The following CRMP1 variants were observed in gnomAD, a reference collection of about 807,000 sequenced individuals.
CRMP1 encodes the protein collapsin response mediator protein 1.
A neutral mutation model predicts 68.3 loss-of-function variants in CRMP1; 19 were observed. That is an observed-to-expected ratio of 0.28 (90% CI 0.19 to 0.41). The LOEUF is 0.41. Ranked by LOEUF, CRMP1 falls within the 10% of genes least tolerant of loss-of-function variation. The pLI, the probability that CRMP1 is intolerant of heterozygous loss-of-function variation, is 1.00. For synonymous variants in CRMP1, 439 were observed against 399.6 expected (o/e 1.10, Z -1.18); for missense variants, 791 against 967.4 (o/e 0.82, Z 2.42).
rs1422208020 is a variant in CRMP1, at chr4:5,838,502, T to C, written c.1310+1020A>G. 1.3e-5 allele frequency among the ~76,000 whole-genome samples: 2 copies of C among 152,102 alleles called. No individual in the cohort carries two copies. Among genetic ancestry groups the C allele is most frequent in the African/African-American group, 4.8e-5 (2 of 41,400 alleles). On this transcript the variant is annotated intron_variant, in intron 9 of 13. Coordinates refer to ENST00000324989, the MANE Select transcript of CRMP1 (RefSeq NM_001014809.3). The surrounding 1 kb of genome is among the most constrained non-coding windows in gnomAD (Gnocchi z 4.9). ...CTTGGTCGGAAGCCAGGGATGATGG[T>C]GGCCTGAGCCAGGATGGCCACAGCA...
rs1303845719 is a variant in CRMP1, at chr4:5,861,191, T to C, written c.490A>G (p.Ile164Val). ...GLIKQIGENL[I>V]VPGGVKTIEA... is the part of the protein sequence containing the mutation. ...ATGGTCTTCACTCCACCAGGAACGA[T>C]TAAGTTCTCTCCTATTTGTCTGGAG... The change falls in exon 3 of 14, where the codon ATC (isoleucine) becomes GTC (valine). Residue 164 changes from isoleucine to valine, a missense_variant. Coordinates refer to ENST00000324989, the MANE Select transcript of CRMP1 (RefSeq NM_001014809.3). The surrounding 1 kb of genome is among the most constrained non-coding windows in gnomAD (Gnocchi z 6.0). The C allele has an allele frequency of 3.1e-6, 5 of 1,613,950 alleles. No individual in the cohort carries two copies. The highest frequency in any genetic ancestry group is 4.2e-6 in the Non-Finnish European group (5 of 1,179,974).
chr4:5,822,480 T>C (rs938718477), intron 13 of CRMP1, among the ~76,000 whole-genome samples: 3 of 140,794 alleles, frequency 2.1e-5, no homozygotes, highest in Non-Finnish European at 4.5e-5. Context: ...TCATTGGCGA[T>C]AGGTGGATCT....
Position 5,821,634 on chromosome 4 carries a change from C to T in CRMP1, c.*126G>A. 3 of 855,966 alleles carry T rather than the reference C, an allele frequency of 3.5e-6. No homozygotes were observed. Among genetic ancestry groups the T allele is most frequent in the Non-Finnish European group, 3.6e-6 (2 of 554,438 alleles). The allele number at this position is 855,966 out of a possible 1,614,324, so 53.0% of individuals were successfully genotyped here. The stretch of plus-strand genomic sequence containing the variant: ...CTTCCTAAACAGAAAAGGGAAAGAG[C>T]ATCCTTCGACTTCCCCCTCCCTCCA... On this transcript the variant is annotated 3_prime_UTR_variant, in exon 14 of 14. Transcript: ENST00000324989. The surrounding 1 kb of genome is among the most constrained non-coding windows in gnomAD (Gnocchi z 4.4).
At chr4:5,887,744 G>A (rs1302177169) in intron 1 of CRMP1, 5 of 985,880 alleles carry the variant, frequency 5.1e-6, no homozygotes, top group Non-Finnish European at 6.0e-6. Flanking sequence ...CAGTAAAGGC[G>A]GGGAGTGGGG....
At position 5,849,480 on chromosome 4, in the gene CRMP1, G is replaced by A; in HGVS notation, c.883-8C>T. On this transcript the variant is annotated splice_polypyrimidine_tract_variant and splice_region_variant and intron_variant, in intron 5 of 13. Transcript: ENST00000324989. Reference sequence around the variant, plus strand: ...GGTAAAGGCTTCATAGAGCTATGGAGAGATAAACAGGGGTTGGTGTGAGAT... The same window carrying A: ...GGTAAAGGCTTCATAGAGCTATGGAAAGATAAACAGGGGTTGGTGTGAGAT... The A allele has an allele frequency of 3.1e-6, 5 of 1,590,624 alleles. No homozygotes were observed. The highest frequency in any genetic ancestry group is 1.4e-5 in the African/African-American group (1 of 73,934).
Position 5,836,750 on chromosome 4 carries a change from G to C in CRMP1, c.1452+15C>G. ...AGTGTTTCTAGAATGCTCCTGAGAA[G>C]AGATCCAGCCTTACCACCGCCTTGT... On this transcript the variant is annotated intron_variant, in intron 10 of 13. Coordinates refer to ENST00000324989, the MANE Select transcript of CRMP1 (RefSeq NM_001014809.3). The C allele has an allele frequency of 1.2e-6, 2 of 1,614,094 alleles. No homozygotes were observed. Among genetic ancestry groups the C allele is most frequent in the Non-Finnish European group, 1.7e-6 (2 of 1,179,958 alleles).
At chr4:5,868,590 C>T (rs1195055284) in intron 1 of CRMP1, among the ~76,000 whole-genome samples, 3 of 152,042 alleles carry the variant, frequency 2.0e-5, no homozygotes, top group Admixed American at 6.6e-5. Context: ...CGTGAGCCAC[C>T]GCGCCTGGCC....
chr4:5,856,233 T>C lies in CRMP1; in HGVS notation c.730A>G (p.Lys244Glu), dbSNP rs1237886052. The change falls in exon 4 of 14, where the codon AAA (lysine) becomes GAA (glutamate). Residue 244 changes from lysine (K) to glutamate (E), a missense_variant. Around this residue, in one of 3 missense-constraint regions of CRMP1, gnomAD observed 594 missense variants for 763.6 expected, o/e 0.78. Transcript: ENST00000324989. ...FEKWHEAADTKSCCDYSLHVD... is the reference protein window; with the variant it reads ...FEKWHEAADTESCCDYSLHVD... ...TGGAGGGAGTAATCACAGCAGGATT[T>C]GGTGTCAGCTGCTTCGTGCCACTTC... 1 of 1,614,028 alleles carries C rather than the reference T, an allele frequency of 6.2e-7. No individual in the cohort carries two copies. Among genetic ancestry groups the C allele is most frequent in the South Asian group, 1.1e-5 (1 of 91,084 alleles).
At position 5,849,467 on chromosome 4, in the gene CRMP1, A is replaced by G. The variant is rs754094215; in HGVS notation, c.888T>C (p.Tyr296=). 8 of 1,612,276 alleles carry G rather than the reference A, an allele frequency of 5.0e-6. No homozygotes were observed. The highest frequency in any genetic ancestry group is 6.8e-6 in the Non-Finnish European group (8 of 1,178,440). The part of the protein sequence containing the change: ...DVYQMSDSQL[Y]EAFTFLKGLG... Reference sequence around the variant, plus strand: ...GGCCCTTAAGGAAGGTAAAGGCTTCATAGAGCTATGGAGAGATAAACAGGG... The same window carrying G: ...GGCCCTTAAGGAAGGTAAAGGCTTCGTAGAGCTATGGAGAGATAAACAGGG... Residue 296 remains tyrosine (Y), a synonymous_variant, in exon 6 of 14, where the codon TAT becomes TAC. Transcript: ENST00000324989.
Position 5,888,359 on chromosome 4 carries a change from A to G in CRMP1, c.381+4230T>C, listed in dbSNP as rs915790701. ...GGCCCCGCTCCCAGCGGGCGCGCTGACAAAGGCCCGGGAGGGATAGAGACA... is the reference window on the plus strand; with the variant it reads ...GGCCCCGCTCCCAGCGGGCGCGCTGGCAAAGGCCCGGGAGGGATAGAGACA... On this transcript the variant is annotated intron_variant, in intron 1 of 13. Transcript: ENST00000324989. The surrounding 1 kb of genome is among the most constrained non-coding windows in gnomAD (Gnocchi z 6.4). The G allele has an allele frequency of 9.8e-6, 12 of 1,230,598 alleles. No individual in the cohort carries two copies. The highest frequency in any genetic ancestry group is 1.2e-5 in the Non-Finnish European group (12 of 983,920). The allele number at this position is 1,230,598 out of a possible 1,614,324, so 76.2% of individuals were successfully genotyped here. A position where few individuals can be genotyped will look rare whatever the true frequency, so the allele number is the denominator to read the frequency against.
rs1713440742 is a variant in CRMP1, at chr4:5,860,276, C to T, written c.655+750G>A. On this transcript the variant is annotated intron_variant, in intron 3 of 13. Transcript: ENST00000324989. This position sits in a 1 kb window ranked among gnomAD's most constrained non-coding sequence, Gnocchi z 4.2. ...AAGAAAGGCAAGTTTCGGCCAGAAC[C>T]CCCTGCATTCTGCCATCCACCAGGA... Among the ~76,000 whole-genome samples the T allele has an allele frequency of 1.3e-5, 2 of 152,140 alleles. No individual in the cohort carries two copies. The highest frequency in any genetic ancestry group is 4.8e-5 in the African/African-American group (2 of 41,428).
At position 5,865,457 on chromosome 4, in the gene CRMP1, C is replaced by T. The variant is rs1477475756; in HGVS notation, c.470+1211G>A. Among the ~76,000 whole-genome samples, 4 of 151,870 alleles carry T rather than the reference C, an allele frequency of 2.6e-5. No homozygotes were observed. The highest frequency in any genetic ancestry group is 1.9e-4 in the East Asian group (1 of 5,158). On this transcript the variant is annotated intron_variant, in intron 2 of 13. Coordinates refer to ENST00000324989, the MANE Select transcript of CRMP1 (RefSeq NM_001014809.3). The surrounding 1 kb of genome is among the most constrained non-coding windows in gnomAD (Gnocchi z 4.1). ...CAACATGGTGAAACCCCCGTCTCTA[C>T]TAAAATGCAAAAAAGTAGCGGGGCA...
intron 13 of CRMP1, among the ~76,000 whole-genome samples, chr4:5,823,455 C>A (rs1353444989): frequency 6.6e-6 from 1 of 152,190 alleles, no homozygotes; most frequent in Non-Finnish European, 1.5e-5. Context: ...AAAAAGGACA[C>A]TAATATGGTT....
At chr4:5,863,713 T>C (rs1049160769) in intron 2 of CRMP1, among the ~76,000 whole-genome samples, 1 of 152,106 alleles carries the variant, frequency 6.6e-6, no homozygotes, top group African/African-American at 2.4e-5. Flanking sequence ...CGATGAATCA[T>C]AATTCAATGA....
chr4:5,821,917 GGCCATGTACTCT>G lies in CRMP1; in HGVS notation c.1970-78_1970-67del, dbSNP rs1718646290. ...GCATCAGTTCCACGCTGCTCCTGGAGGCCATGTACTCTGCCATGCACTCCACTGGACCCACCT... is the reference window on the plus strand; with the variant it reads ...GCATCAGTTCCACGCTGCTCCTGGAGGCCATGCACTCCACTGGACCCACCT... On this transcript the variant is annotated intron_variant, in intron 13 of 13. Transcript: ENST00000324989. The surrounding 1 kb of genome is among the most constrained non-coding windows in gnomAD (Gnocchi z 4.4). 1 of 1,259,006 alleles carries G rather than the reference GGCCATGTACTCT, an allele frequency of 7.9e-7. No homozygotes were observed. The highest frequency in any genetic ancestry group is 2.2e-5 in the Admixed American group (1 of 46,330). The allele number at this position is 1,259,006 out of a possible 1,614,324, so 78.0% of individuals were successfully genotyped here. A position where few individuals can be genotyped will look rare whatever the true frequency, so the allele number is the denominator to read the frequency against.
chr4:5,847,049 T>C (rs1248411412), intron 6 of CRMP1, among the ~76,000 whole-genome samples: 1 of 152,166 alleles, frequency 6.6e-6, no homozygotes, highest in Admixed American at 6.5e-5. Context: ...CCAAGAGCTA[T>C]GGAGACTTAT....
rs2152473104 is a variant in CRMP1 at position 5,877,479 on chromosome 4, C to T, written c.382-10723G>A. Among the ~76,000 whole-genome samples, 1 of 152,300 alleles carries T rather than the reference C, an allele frequency of 6.6e-6. No individual in the cohort carries two copies. The highest frequency in any genetic ancestry group is 6.5e-5 in the Admixed American group (1 of 15,304). ...TCCTTGCAACGGCAAGTGCTGCCAT[C>T]CCATCCAGCTGCACACTCATATTTA... On this transcript the variant is annotated intron_variant, in intron 1 of 13. Coordinates refer to ENST00000324989, the MANE Select transcript of CRMP1 (RefSeq NM_001014809.3). The surrounding 1 kb of genome is among the most constrained non-coding windows in gnomAD (Gnocchi z 4.3).
rs1712543357 is a variant in CRMP1 at position 5,850,452 on chromosome 4, G to A, written c.882+956C>T. On this transcript the variant is annotated intron_variant, in intron 5 of 13. Transcript: ENST00000324989. This position sits in a 1 kb window ranked among gnomAD's most constrained non-coding sequence, Gnocchi z 4.4. ...GTATCAAAGGCCTCCAGGACATCTT[G>A]GGATAAGTTATTTTCTGTAACCCCA... Among the ~76,000 whole-genome samples, 2 of 152,120 alleles carry A rather than the reference G, an allele frequency of 1.3e-5. No homozygotes were observed. Among genetic ancestry groups the A allele is most frequent in the South Asian group, 4.1e-4 (2 of 4,826 alleles).
chr4:5,887,610 G>A (rs1033180916), intron 1 of CRMP1: 2 of 984,972 alleles, frequency 2.0e-6, no homozygotes, highest in Non-Finnish European at 2.4e-6. Flanking sequence ...CCCAGCGTCG[G>A]GAACATTAAC....
Sources: allele counts gnomAD v4.1 joint callset (sites outside exome capture counted in the v4.1 genomes callset), GRCh38; gene constraint gnomAD v4.1.1; regional missense constraint gnomAD v4.1.1; non-coding constraint Gnocchi (gnomAD v3.1); transcripts MANE v1.5; gene names NCBI Gene and HGNC (gene_info 2026-07-23, HGNC 2026-07-21).